MEIOSIN: variants seen among roughly 807,000 people sequenced by gnomAD.
The protein encoded by MEIOSIN is meiosis initiator.
In MEIOSIN, 18 loss-of-function variants were observed where a neutral mutation model predicts 23.4. That is an observed-to-expected ratio of 0.77 (90% CI 0.53 to 1.14). The LOEUF (loss-of-function observed/expected upper bound fraction) is 1.14, where lower values mean the gene tolerates loss of function less well. Among genes scored for constraint, MEIOSIN ranks in the 50% most tolerant of loss-of-function variants. The pLI is 0.00. For missense variants in MEIOSIN, 428 were observed against 242.9 expected (o/e 1.76, Z -5.07); for synonymous variants, 187 against 100.6 (o/e 1.86, Z -5.14).
At chr19:45,734,696 G>A in intron 1 of MEIOSIN, among the ~76,000 whole-genome samples, 1 of 150,032 alleles carries the variant, frequency 6.7e-6, no homozygotes, top group Non-Finnish European at 1.5e-5. Flanking sequence ...TGTAGAGGTG[G>A]AGTTTTGTCA....
chr19:45,758,629 C>T (rs1968881394), intron 9 of MEIOSIN, among the ~76,000 whole-genome samples: 2 of 152,086 alleles, frequency 1.3e-5, no homozygotes, highest in South Asian at 4.1e-4. Context: ...GGGGTTTCAC[C>T]ATGTTAGCCA....
chr19:45,743,964 A>G (rs1968548610), intron 3 of MEIOSIN, among the ~76,000 whole-genome samples: 1 of 151,944 alleles, frequency 6.6e-6, no homozygotes, highest in African/African-American at 2.4e-5. Context: ...GTCAAAAGCA[A>G]AGCATGGCCT....
At chr19:45,762,539 C>T (rs923395393) in intron 13 of MEIOSIN, among the ~76,000 whole-genome samples, 1 of 152,192 alleles carries the variant, frequency 6.6e-6, no homozygotes. Flanking sequence ...ATCACTGCAA[C>T]CTCTGCCTCT....
At chr19:45,748,656 A>C (rs965342543) in intron 4 of MEIOSIN, among the ~76,000 whole-genome samples, 1 of 152,088 alleles carries the variant, frequency 6.6e-6, no homozygotes, top group African/African-American at 2.4e-5. Context: ...TCTACATACA[A>C]CCTTTATACT....
chr19:45,753,710 A>G lies in MEIOSIN; in HGVS notation c.478A>G (p.Ser160Gly), dbSNP rs1003606837. The change falls in exon 6 of 15, where the codon AGC (serine) becomes GGC (glycine). Residue 160 changes from serine (S) to glycine (G), a missense_variant. Ser to Gly is a moderately conservative substitution (Grantham distance 56, BLOSUM62 0). Coordinates refer to ENST00000457052, the MANE Select transcript of MEIOSIN (RefSeq NM_001310124.2). Reference protein sequence around the residue: ...ARRRRHSTPSSSPSSQKSCLQ... With the variant: ...ARRRRHSTPSGSPSSQKSCLQ... Reference sequence around the variant, plus strand: ...GCGGAGGAGACACTCTACCCCCTCCAGCTCCCCAAGCTCTCAGAAGTCCTG... The same window carrying G: ...GCGGAGGAGACACTCTACCCCCTCCGGCTCCCCAAGCTCTCAGAAGTCCTG... 39 of 702,806 alleles carry G rather than the reference A, an allele frequency of 5.5e-5. No individual in the cohort carries two copies. Among genetic ancestry groups the G allele is most frequent in the Non-Finnish European group, 9.4e-5 (36 of 384,968 alleles). 43.5% of individuals were successfully genotyped at this position (702,806 alleles called of 1,614,324 possible). A position where few individuals can be genotyped will look rare whatever the true frequency, so the allele number is the denominator to read the frequency against.
In MEIOSIN at chr19:45,737,337, G is replaced by A. The variant is rs181829689; in HGVS notation, c.71+1890G>A. On this transcript the variant is annotated intron_variant, in intron 2 of 14. Transcript: ENST00000457052. ...TGGGACCATAGGCGTGCACCACCAC[G>A]CCTGGCTAATTTTTGTATTTTTCGT... Among the ~76,000 whole-genome samples, 113 of 151,942 alleles carry A rather than the reference G, an allele frequency of 7.4e-4. 1 individual carries two copies. Among genetic ancestry groups the A allele is most frequent in the African/African-American group, 2.6e-3 (106 of 41,458 alleles).
intron 4 of MEIOSIN, among the ~76,000 whole-genome samples, chr19:45,748,430 G>A (rs1968634430): frequency 6.6e-6 from 1 of 152,132 alleles, no homozygotes; most frequent in Non-Finnish European, 1.5e-5. Flanking sequence ...CACTCCAAAG[G>A]CTCTTGCCTT....
At chr19:45,746,061 C>T (rs1276960434) in intron 4 of MEIOSIN, among the ~76,000 whole-genome samples, 2 of 152,116 alleles carry the variant, frequency 1.3e-5, no homozygotes. Flanking sequence ...CTCTGCTTCC[C>T]AGGCTCAAGC....
intron 1 of MEIOSIN, 126 bp from the exon 2 acceptor site, chr19:45,735,251 C>T (rs1175210208): frequency 2.8e-5 from 17 of 612,016 alleles, no homozygotes; most frequent in South Asian, 7.6e-5. Flanking sequence ...GCTAGGGACT[C>T]TTATTTTGGG....
intron 3 of MEIOSIN, among the ~76,000 whole-genome samples, chr19:45,744,499 GTTTGTTTTGT>G (rs765679162): frequency 6.6e-5 from 10 of 152,008 alleles, no homozygotes; most frequent in East Asian, 1.9e-4. Flanking sequence ...TTGAGACGGA[GTTTGTTTTGT>G]TTTGTTTTGT....
At chr19:45,754,202 C>T (rs545277218) in intron 6 of MEIOSIN, among the ~76,000 whole-genome samples, 2 of 152,178 alleles carry the variant, frequency 1.3e-5, no homozygotes, top group African/African-American at 4.8e-5. Context: ...GTCTTGAACT[C>T]CTGACCTCAA....
At position 45,733,982 on chromosome 19, in the gene MEIOSIN, A is replaced by C. The variant is rs1478802718; in HGVS notation, c.-1+316A>C. Among the ~76,000 whole-genome samples, 1 of 151,898 alleles carries C rather than the reference A, an allele frequency of 6.6e-6. No individual in the cohort carries two copies. Among genetic ancestry groups the C allele is most frequent in the Non-Finnish European group, 1.5e-5 (1 of 67,982 alleles). ...TGAAGAGCTTGAGTTTTGTGACTGG[A>C]AGCTTTCTCCTTGGAATCCAGAGAT... On this transcript the variant is annotated intron_variant, in intron 1 of 14. Coordinates refer to ENST00000457052, the MANE Select transcript of MEIOSIN (RefSeq NM_001310124.2). This position sits in a 1 kb window ranked among gnomAD's most constrained non-coding sequence, Gnocchi z 5.7.
intron 3 of MEIOSIN, among the ~76,000 whole-genome samples, chr19:45,743,802 G>A (rs945734582): frequency 1.3e-5 from 2 of 152,130 alleles, no homozygotes; most frequent in Non-Finnish European, 2.9e-5. Flanking sequence ...GATTACAGGT[G>A]TGAGCCACCA....
intron 5 of MEIOSIN, among the ~76,000 whole-genome samples, chr19:45,753,326 A>G (rs901400294): frequency 6.6e-6 from 1 of 152,112 alleles, no homozygotes; most frequent in African/African-American, 2.4e-5. Flanking sequence ...GGAGACCCTC[A>G]CTGTGTTGAG....
chr19:45,743,051 C>T (rs559976415), intron 3 of MEIOSIN, among the ~76,000 whole-genome samples: 1 of 152,274 alleles, frequency 6.6e-6, no homozygotes, highest in Non-Finnish European at 1.5e-5. Flanking sequence ...GGAGGTGGTA[C>T]ATGGCTTCTG....
At chr19:45,763,468 G>A in intron 14 of MEIOSIN, 41 bp downstream of exon 14, 1 of 398,634 alleles carries the variant, frequency 2.5e-6, no homozygotes. Context: ...GGGGGTGGAA[G>A]AGCCTCCCTA....
chr19:45,744,309 C>T (rs1366461812), intron 3 of MEIOSIN, among the ~76,000 whole-genome samples: 1 of 151,592 alleles, frequency 6.6e-6, no homozygotes, highest in Non-Finnish European at 1.5e-5. Context: ...TGTGAGCCAC[C>T]ATGCCCGGCC....
At chr19:45,745,115 C>G in intron 3 of MEIOSIN, 77 bp from the exon 4 acceptor site, 1 of 695,180 alleles carries the variant, frequency 1.4e-6, no homozygotes, top group South Asian at 1.5e-5. Flanking sequence ...ATGAGTAACA[C>G]AGACAGGAGG....
At chr19:45,755,566 C>T (rs1022548228) in intron 7 of MEIOSIN, among the ~76,000 whole-genome samples, 2 of 152,144 alleles carry the variant, frequency 1.3e-5, no homozygotes, top group Admixed American at 6.6e-5. Flanking sequence ...AATTCTCTGC[C>T]TCAGCCTCCT....
Sources: allele counts gnomAD v4.1 joint callset (sites outside exome capture counted in the v4.1 genomes callset), GRCh38; gene constraint gnomAD v4.1.1; non-coding constraint Gnocchi (gnomAD v3.1); transcripts MANE v1.5; gene names NCBI Gene and HGNC (gene_info 2026-07-23, HGNC 2026-07-21).